The following XNDC1N variants were observed in gnomAD, a reference collection of about 807,000 sequenced individuals.
XNDC1N encodes the protein protein XNDC1N.
chr11:71,874,989 A>G, the XNDC1N span, among the ~76,000 whole-genome samples: 1 of 152,222 alleles, frequency 6.6e-6, no homozygotes, highest in Non-Finnish European at 1.5e-5. Context: ...GCACACCTGC[A>G]ACTCCAGCAG....
chr11:71,888,810 C>T, the XNDC1N span, among the ~76,000 whole-genome samples: 2 of 152,238 alleles, frequency 1.3e-5, no homozygotes, highest in African/African-American at 4.8e-5. Context: ...GACTACCAGA[C>T]TTTGCTCTGT....
the XNDC1N span, among the ~76,000 whole-genome samples, chr11:71,910,296 G>A: frequency 6.6e-6 from 1 of 152,192 alleles, no homozygotes; most frequent in Non-Finnish European, 1.5e-5. Context: ...GCTGCCAGCT[G>A]AGGACAGCTG....
chr11:71,927,552 A>T, the XNDC1N span: 2 of 152,054 alleles, frequency 1.3e-5, no homozygotes, highest in Non-Finnish European at 2.9e-5. Context: ...AGATTAAAAA[A>T]CAAAATGAAA....
chr11:71,921,995 A>G, the XNDC1N span, among the ~76,000 whole-genome samples: 2 of 152,014 alleles, frequency 1.3e-5, no homozygotes, highest in African/African-American at 4.8e-5. Flanking sequence ...CCCCATCTCT[A>G]CTAAAAATAC....
the XNDC1N span, among the ~76,000 whole-genome samples, chr11:71,868,113 C>T: frequency 2.0e-5 from 3 of 152,116 alleles, no homozygotes; most frequent in African/African-American, 7.2e-5. Context: ...GCAACCCCTG[C>T]TTTTTTGTTT....
chr11:71,913,488 ATC>A, the XNDC1N span, among the ~76,000 whole-genome samples: 2 of 151,994 alleles, frequency 1.3e-5, no homozygotes, highest in African/African-American at 4.8e-5. Flanking sequence ...TTAAAACCCC[ATC>A]TCTACTACTA....
chr11:71,868,214 T>C, the XNDC1N span, among the ~76,000 whole-genome samples: 1 of 152,218 alleles, frequency 6.6e-6, no homozygotes. Context: ...CAGCATACAG[T>C]TGGGGCTTGC....
At chr11:71,888,730 G>A in the XNDC1N span, among the ~76,000 whole-genome samples, 951 of 152,322 alleles carry the variant, frequency 6.2e-3, 7 homozygotes, top group African/African-American at 0.019. Flanking sequence ...TGAACATTAA[G>A]GCCTCCCGTG....
chr11:71,880,417 G>A, the XNDC1N span, among the ~76,000 whole-genome samples: 1 of 151,956 alleles, frequency 6.6e-6, no homozygotes, highest in African/African-American at 2.4e-5. Flanking sequence ...TTTGTTCTTG[G>A]TTAGTCTAGC....
At chr11:71,866,218 G>A in the XNDC1N span, among the ~76,000 whole-genome samples, 1 of 151,262 alleles carries the variant, frequency 6.6e-6, no homozygotes, top group Non-Finnish European at 1.5e-5. Flanking sequence ...AGATTTTAGG[G>A]CAATGTTGCT....
chr11:71,923,942 G>A, the XNDC1N span, among the ~76,000 whole-genome samples: 2 of 152,060 alleles, frequency 1.3e-5, no homozygotes, highest in Non-Finnish European at 2.9e-5. Context: ...GCTCCAACTC[G>A]AATGAAACCA....
the XNDC1N span, among the ~76,000 whole-genome samples, chr11:71,876,854 T>C: frequency 6.6e-6 from 1 of 152,206 alleles, no homozygotes; most frequent in Admixed American, 6.5e-5. Context: ...ATGCTAATGA[T>C]CCTAGGCCAT....
At chr11:71,919,613 T>G in the XNDC1N span, among the ~76,000 whole-genome samples, 253 of 13,490 alleles carry the variant, frequency 0.019, 3 homozygotes, top group African/African-American at 0.027. Context: ...TGGTTTTTTT[T>G]TTTGTTTGTT....
chr11:71,917,882 A>C, the XNDC1N span: 2 of 633,448 alleles, frequency 3.2e-6, no homozygotes, highest in Non-Finnish European at 5.7e-6. Flanking sequence ...GCTGAAAGCC[A>C]GAAAGGTTCA....
At chr11:71,909,737 C>T in the XNDC1N span, among the ~76,000 whole-genome samples, 5 of 152,160 alleles carry the variant, frequency 3.3e-5, no homozygotes, top group Non-Finnish European at 7.3e-5. Context: ...TTGTCTCAGA[C>T]TTGTACTGTA....
chr11:71,905,285 G>GGTGTGATATTAGGA, the XNDC1N span, among the ~76,000 whole-genome samples: 1 of 151,908 alleles, frequency 6.6e-6, no homozygotes, highest in African/African-American at 2.4e-5. Flanking sequence ...GCTATCACAG[G>GGTGTGATATTAGGA]GTGTGATATT....
At chr11:71,927,222 G>C in the XNDC1N span, among the ~76,000 whole-genome samples, 1 of 151,964 alleles carries the variant, frequency 6.6e-6, no homozygotes, top group Non-Finnish European at 1.5e-5. Flanking sequence ...ACTCCAGCCT[G>C]GGCGACAGAG....
chr11:71,887,619 G>T, the XNDC1N span, among the ~76,000 whole-genome samples: 2 of 152,192 alleles, frequency 1.3e-5, no homozygotes, highest in African/African-American at 4.8e-5. Flanking sequence ...CCGGTCCCCA[G>T]AGAAGCCCTT....
the XNDC1N span, chr11:71,919,144 A>G: frequency 1.6e-6 from 1 of 629,896 alleles, no homozygotes; most frequent in South Asian, 1.8e-5. Flanking sequence ...CATGATAGAA[A>G]AGGCACCAGA....
Sources: allele counts gnomAD v4.1 joint callset (sites outside exome capture counted in the v4.1 genomes callset), GRCh38; gene constraint gnomAD v4.1.1; transcripts MANE v1.5; gene names NCBI Gene and HGNC (gene_info 2026-07-23, HGNC 2026-07-21).